Variants in CPEB4 observed in about 807,000 individuals in gnomAD.
CPEB4 encodes the protein cytoplasmic polyadenylation element binding protein 4.
Under a neutral mutation model 72.5 loss-of-function variants are expected in CPEB4, and 12 were observed. The observed-to-expected ratio is 0.17, with a 90% CI of 0.11 to 0.27. The LOEUF (loss-of-function observed/expected upper bound fraction) is 0.27, where lower values mean the gene tolerates loss of function less well. Ranked by LOEUF, CPEB4 falls within the 10% of genes least tolerant of loss-of-function variation. The pLI is 1.00. For missense variants in CPEB4, 614 were observed against 908.5 expected, an observed-to-expected ratio of 0.68 and a Z score of 4.17; for synonymous variants, 302 against 326.3, an observed-to-expected ratio of 0.93 and a Z score of 0.80.
At chr5:173,901,010 C>G (rs1466226487) in intron 1 of CPEB4, among the ~76,000 whole-genome samples, 1 of 152,124 alleles carries the variant, frequency 6.6e-6, no homozygotes, top group African/African-American at 2.4e-5. Context: ...TTATTTCTCT[C>G]TGCTAGGCAA....
chr5:173,931,076 G>A (rs1270006121), intron 2 of CPEB4, among the ~76,000 whole-genome samples: 2 of 151,888 alleles, frequency 1.3e-5, no homozygotes, highest in Admixed American at 6.6e-5. Flanking sequence ...ATTAATTAAA[G>A]CTGTTGGCAA....
chr5:173,940,475 T>A (rs920099977), intron 3 of CPEB4, among the ~76,000 whole-genome samples: 3 of 152,228 alleles, frequency 2.0e-5, no homozygotes, highest in Non-Finnish European at 4.4e-5. Flanking sequence ...AATTTCATCA[T>A]AAAGTGTGTG....
intron 5 of CPEB4, among the ~76,000 whole-genome samples, chr5:173,948,981 G>A (rs2062350): frequency 0.64 from 96,685 of 151,934 alleles, 31,806 homozygotes; most frequent in Non-Finnish European, 0.73. Context: ...CATTTGGACC[G>A]TAGCAGTCAT....
rs1755758583 is a variant in CPEB4 at position 173,890,255 on chromosome 5, G to T, written c.522G>T (p.Ala174=). 6.2e-7 allele frequency: 1 copy of T among 1,614,058 alleles called. No homozygotes were observed. The highest frequency in any genetic ancestry group is 1.3e-5 in the African/African-American group (1 of 75,030). ...SLTGFSNWSA[A]IAPSSSTIIN... Reference sequence around the variant, plus strand: ...CTGGTTTCAGTAACTGGTCAGCAGCGATAGCGCCTTCCTCCTCTACAATAA... The same window carrying T: ...CTGGTTTCAGTAACTGGTCAGCAGCTATAGCGCCTTCCTCCTCTACAATAA... Residue 174 remains alanine (A), a synonymous_variant, in exon 1 of 10, where the codon GCG becomes GCT. Transcript: ENST00000265085.
chr5:173,935,553 C>G (rs767324247), intron 3 of CPEB4, among the ~76,000 whole-genome samples: 3 of 152,120 alleles, frequency 2.0e-5, no homozygotes, highest in Non-Finnish European at 2.9e-5. Context: ...TCCAAGTTAT[C>G]TGTTGAAAGC....
In CPEB4 at chr5:173,955,374, A is replaced by G. The variant is rs1404059130; in HGVS notation, c.1963-536A>G. Among the ~76,000 whole-genome samples, 1 of 148,940 alleles carries G rather than the reference A, an allele frequency of 6.7e-6. No homozygotes were observed. Among genetic ancestry groups the G allele is most frequent in the Non-Finnish European group, 1.5e-5 (1 of 67,454 alleles). ...TTTTTAACAGAGTTCCAGGTTTGTG[A>G]TTATAACCCAACATGTGTACACTAT... On this transcript the variant is annotated intron_variant, in intron 9 of 9. Coordinates refer to ENST00000265085, the MANE Select transcript of CPEB4 (RefSeq NM_030627.4). This position sits in a 1 kb window ranked among gnomAD's most constrained non-coding sequence, Gnocchi z 4.7.
Position 173,955,945 on chromosome 5 carries a change from G to A in CPEB4, c.1998G>A (p.Leu666=), listed in dbSNP as rs1758363103. 21 of 1,614,090 alleles carry A rather than the reference G, an allele frequency of 1.3e-5. No homozygotes were observed. The highest frequency in any genetic ancestry group is 1.8e-5 in the Non-Finnish European group (21 of 1,179,996). ...EVKPYVLDDQ[L]CDECQGARCG... ...AGCCATATGTCTTGGATGATCAGCT[G>A]TGTGATGAATGTCAGGGGGCCCGTT... The change falls in exon 10 of 10, where the codon CTG becomes CTA. Residue 666 remains leucine, a synonymous_variant. Coordinates refer to ENST00000265085, the MANE Select transcript of CPEB4 (RefSeq NM_030627.4). The surrounding 1 kb of genome is among the most constrained non-coding windows in gnomAD (Gnocchi z 4.7).
At chr5:173,942,655 TGCTAGTTA>T (rs992799118) in intron 3 of CPEB4, among the ~76,000 whole-genome samples, 1 of 152,256 alleles carries the variant, frequency 6.6e-6, no homozygotes, top group Admixed American at 6.5e-5. Flanking sequence ...TCTACTAAAT[TGCTAGTTA>T]GCAGGGAATT....
In CPEB4 at chr5:173,956,315, G is replaced by A; in HGVS notation, c.*178G>A. On this transcript the variant is annotated 3_prime_UTR_variant, in exon 10 of 10. Transcript: ENST00000265085. ...GTGTTTTGTAGATTCTTGTGTCACT[G>A]CAAACAATATGAACTCCTTTTTCGT... 3 of 541,000 alleles carry A rather than the reference G, an allele frequency of 5.5e-6. No individual in the cohort carries two copies. The Admixed American group carries it at 9.9e-5, about 18-fold the overall frequency. 33.5% of individuals were successfully genotyped at this position (541,000 alleles called of 1,614,324 possible). A position where few individuals can be genotyped will look rare whatever the true frequency, so the allele number is the denominator to read the frequency against.
In CPEB4 at chr5:173,957,323, A is replaced by T. The variant is rs1758409929; in HGVS notation, c.*1186A>T. The T allele has an allele frequency of 6.5e-6, 1 of 152,766 alleles. No homozygotes were observed. The highest frequency in any genetic ancestry group is 2.1e-4 in the South Asian group (1 of 4,830). 9.5% of individuals were successfully genotyped at this position (152,766 alleles called of 1,614,324 possible). The stretch of plus-strand genomic sequence containing the variant: ...AACATAGAAAATGAAAAAACAGTTA[A>T]AAAAAGTGAAGTAGTTGCAAAGTGT... On this transcript the variant is annotated 3_prime_UTR_variant, in exon 10 of 10. Transcript: ENST00000265085.
At chr5:173,942,552 T>G (rs13174767) in intron 3 of CPEB4, among the ~76,000 whole-genome samples, 1 of 152,226 alleles carries the variant, frequency 6.6e-6, no homozygotes, top group African/African-American at 2.4e-5. Flanking sequence ...TCATTTGTTA[T>G]GATTTTCTCT....
rs549760497 is a variant in CPEB4 at position 173,957,005 on chromosome 5, G to A, written c.*868G>A. 14 of 152,566 alleles carry A rather than the reference G, an allele frequency of 9.2e-5. No individual in the cohort carries two copies. Among genetic ancestry groups the A allele is most frequent in the Non-Finnish European group, 2.1e-4 (14 of 67,986 alleles). The allele number at this position is 152,566 out of a possible 1,614,324, so 9.5% of individuals were successfully genotyped here. A position where few individuals can be genotyped will look rare whatever the true frequency, so the allele number is the denominator to read the frequency against. Reference sequence around the variant, plus strand: ...AAGCTAGAATTAATGACAACTGGTGGGAAACCTAGCATTTCCTCTCCTGAA... The same window carrying A: ...AAGCTAGAATTAATGACAACTGGTGAGAAACCTAGCATTTCCTCTCCTGAA... On this transcript the variant is annotated 3_prime_UTR_variant, in exon 10 of 10. Transcript: ENST00000265085.
At chr5:173,929,085 C>T (rs1224583987) in intron 2 of CPEB4, among the ~76,000 whole-genome samples, 1 of 152,130 alleles carries the variant, frequency 6.6e-6, no homozygotes, top group Admixed American at 6.5e-5. Flanking sequence ...TTTCAGAGTT[C>T]AACTGTGAAC....
At chr5:173,909,704 A>G (rs1284951793) in intron 1 of CPEB4, among the ~76,000 whole-genome samples, 2 of 152,200 alleles carry the variant, frequency 1.3e-5, no homozygotes, top group African/African-American at 4.8e-5. Flanking sequence ...TAAAATAAGT[A>G]TATAATTTAT....
intron 1 of CPEB4, among the ~76,000 whole-genome samples, chr5:173,904,033 C>T (rs551252536): frequency 3.3e-5 from 5 of 152,192 alleles, no homozygotes; most frequent in Admixed American, 1.3e-4. Context: ...ATTAAGACTA[C>T]AGAATATGAT....
chr5:173,926,055 G>T (rs1181446073), intron 2 of CPEB4, among the ~76,000 whole-genome samples: 8 of 152,106 alleles, frequency 5.3e-5, no homozygotes, highest in Non-Finnish European at 7.3e-5. Flanking sequence ...GCACCATGTT[G>T]TCAACATTGT....
intron 2 of CPEB4, among the ~76,000 whole-genome samples, chr5:173,929,468 G>A (rs1453257030): frequency 2.6e-5 from 4 of 152,170 alleles, no homozygotes; most frequent in Non-Finnish European, 5.9e-5. Flanking sequence ...AGAGGCTGAG[G>A]TGGGAGGATT....
At chr5:173,902,397 T>C (rs1390641191) in intron 1 of CPEB4, among the ~76,000 whole-genome samples, 12 of 152,188 alleles carry the variant, frequency 7.9e-5, no homozygotes, top group African/African-American at 2.9e-4. Flanking sequence ...CTTAATAATG[T>C]GGTTACATTC....
chr5:173,941,657 G>A (rs751159105), intron 3 of CPEB4, among the ~76,000 whole-genome samples: 51 of 152,158 alleles, frequency 3.4e-4, no homozygotes, highest in Non-Finnish European at 6.9e-4. Context: ...CAGATCACTT[G>A]AGATCAGGAG....
Sources: gnomAD v4.1 joint callset for allele counts (sites outside exome capture counted in the v4.1 genomes callset) on GRCh38, gnomAD v4.1.1 for gene constraint, Gnocchi (gnomAD v3.1) non-coding constraint, MANE v1.5 for transcripts, NCBI Gene and HGNC (gene_info 2026-07-23, HGNC 2026-07-21) for gene names.